ACSM3: variants seen among roughly 807,000 people sequenced by gnomAD.
ACSM3 encodes acyl-CoA synthetase medium chain family member 3, also known as acyl-coenzyme A synthetase ACSM3, mitochondrial.
A neutral mutation model predicts 74.1 loss-of-function variants in ACSM3; 61 were observed. The observed-to-expected ratio is 0.82, with a 90% CI of 0.67 to 1.02. The LOEUF is 1.02. Ranked by LOEUF, ACSM3 falls within the 50% of genes least tolerant of loss-of-function variation. The pLI is 0.00. For synonymous variants in ACSM3, 213 were observed against 241.5 expected (o/e 0.88, Z 1.09); for missense variants, 660 against 697.0 (o/e 0.95, Z 0.60).
chr16:20,744,245 G>T (rs376281699), intron 1 of ACSM3, among the ~76,000 whole-genome samples: 94 of 152,288 alleles, frequency 6.2e-4, no homozygotes, highest in African/African-American at 2.0e-3. Context: ...TGGCCTACAG[G>T]TTTCTCCATA....
chr16:20,786,107 G>A lies in ACSM3; in HGVS notation c.1173G>A (p.Met391Ile), dbSNP rs267604444. The A allele has an allele frequency of 6.2e-7, 1 of 1,600,698 alleles. No homozygotes were observed. Among genetic ancestry groups the A allele is most frequent in the South Asian group, 1.1e-5 (1 of 88,548 alleles). The change falls in exon 9 of 14, where the codon ATG (methionine) becomes ATA (isoleucine). Residue 391 changes from methionine (M) to isoleucine (I), a missense_variant. Transcript: ENST00000289416. ...TAATCTGTGGAAATTTTAAGGGAAT[G>A]AAAATTAAACCTGGCTCAATGGGAA... ...TVLICGNFKG[M>I]KIKPGSMGKP... is the part of the protein sequence containing the mutation.
At chr16:20,781,518 A>C (rs76529066) in intron 6 of ACSM3, among the ~76,000 whole-genome samples, 190 bp from the exon 7 acceptor site, 11,077 of 152,308 alleles carry the variant, frequency 0.073, 541 homozygotes, top group Non-Finnish European at 0.11. Flanking sequence ...ATACCATACA[A>C]TTTTATATAA....
Position 20,797,508 on chromosome 16 carries a change from T to G in ACSM3, c.*536T>G. The G allele has an allele frequency of 8.7e-7, 1 of 1,152,444 alleles. No homozygotes were observed. Among genetic ancestry groups the G allele is most frequent in the Non-Finnish European group, 1.1e-6 (1 of 937,182 alleles). 71.4% of individuals were successfully genotyped at this position (1,152,444 alleles called of 1,614,324 possible). On this transcript the variant is annotated 3_prime_UTR_variant, in exon 14 of 14. Transcript: ENST00000289416. The stretch of plus-strand genomic sequence containing the variant: ...AAAATAGTTTAGACTTGTTTCAAGG[T>G]CTAACTATAAAAGAAGGATCATATA...
At chr16:20,793,223 C>T (rs1039192529) in intron 12 of ACSM3, among the ~76,000 whole-genome samples, 1 of 152,166 alleles carries the variant, frequency 6.6e-6, no homozygotes, top group Non-Finnish European at 1.5e-5. Flanking sequence ...AATCCTAGCA[C>T]TTTGGGAGGC....
At chr16:20,712,432 T>G (rs1006729648) in intron 1 of ACSM3, among the ~76,000 whole-genome samples, 2 of 152,160 alleles carry the variant, frequency 1.3e-5, no homozygotes, top group African/African-American at 2.4e-5. Context: ...GCAAAAGAAA[T>G]CACAACTACA....
chr16:20,733,826 T>C (rs957759653), intron 1 of ACSM3: 6 of 152,274 alleles, frequency 3.9e-5, no homozygotes, highest in African/African-American at 1.4e-4. Flanking sequence ...AAGTTTAACA[T>C]TCTTTCCTCT....
intron 1 of ACSM3, among the ~76,000 whole-genome samples, chr16:20,696,601 C>G (rs2079691362): frequency 6.6e-6 from 1 of 152,114 alleles, no homozygotes; most frequent in African/African-American, 2.4e-5. Context: ...GAGTTCCTAC[C>G]CTGTTAGAGC....
chr16:20,773,758 A>G (rs1021250815), intron 2 of ACSM3, among the ~76,000 whole-genome samples: 1 of 152,158 alleles, frequency 6.6e-6, no homozygotes, highest in African/African-American at 2.4e-5. Flanking sequence ...ATTTGTTGAA[A>G]TTTGTTTTGT....
At chr16:20,771,074 A>G (rs2080187070) in intron 2 of ACSM3, among the ~76,000 whole-genome samples, 1 of 152,082 alleles carries the variant, frequency 6.6e-6, no homozygotes, top group Non-Finnish European at 1.5e-5. Flanking sequence ...AATAGCCACA[A>G]TTCCACTCCC....
At chr16:20,693,507 A>ATTTAAGT (rs1375675474) in intron 1 of ACSM3, among the ~76,000 whole-genome samples, 2 of 152,222 alleles carry the variant, frequency 1.3e-5, no homozygotes, top group Admixed American at 1.3e-4. Flanking sequence ...CATCATGAAC[A>ATTTAAGT]TTTAAGTTCC....
At chr16:20,729,388 G>A in intron 1 of ACSM3, 1 of 1,192,822 alleles carries the variant, frequency 8.4e-7, no homozygotes, top group Non-Finnish European at 1.2e-6. Context: ...TAAGAGGCAA[G>A]GATTGACAGG....
intron 12 of ACSM3, among the ~76,000 whole-genome samples, chr16:20,792,923 G>A (rs1385157505): frequency 6.6e-6 from 1 of 152,156 alleles, no homozygotes; most frequent in Non-Finnish European, 1.5e-5. Context: ...CCTGCGTTTT[G>A]CCTGTGTGTC....
intron 1 of ACSM3, among the ~76,000 whole-genome samples, chr16:20,720,643 A>G (rs1045401983): frequency 1.3e-5 from 2 of 149,828 alleles, no homozygotes; most frequent in Non-Finnish European, 1.5e-5. Flanking sequence ...GTAGGCTAAC[A>G]TAAGAACGGA....
At chr16:20,759,657 A>G (rs2080060847), upstream of ACSM3, among the ~76,000 whole-genome samples, 1 of 151,904 alleles carries the variant, frequency 6.6e-6, no homozygotes, top group South Asian at 2.1e-4. Flanking sequence ...AGGACATGGA[A>G]GCTCTGTACC....
In ACSM3 at chr16:20,688,825, TAA is replaced by T. The variant is rs562389355; in HGVS notation, c.-190+14005_-190+14006del. 3.4e-3 allele frequency among the ~76,000 whole-genome samples: 517 copies of T among 152,042 alleles called. 2 individuals carry two copies. The highest frequency in any genetic ancestry group is 0.012 in the African/African-American group (510 of 41,542). Reference sequence around the variant, plus strand: ...GGAGAGGAACTCAAATATGAAAATGTAAAGTTCTCTTGTAAATATAAATTCAT... The same window carrying T: ...GGAGAGGAACTCAAATATGAAAATGTAGTTCTCTTGTAAATATAAATTCAT... On this transcript the variant is annotated intron_variant, in intron 1 of 3. Transcript: ENST00000561584.
chr16:20,781,638 TCAAC>T, intron 6 of ACSM3, 66 bp from the exon 7 acceptor site: 1 of 1,164,110 alleles, frequency 8.6e-7, no homozygotes, highest in South Asian at 1.2e-5. Flanking sequence ...TTGTGCTGCG[TCAAC>T]CAAAGACATT....
intron 1 of ACSM3, among the ~76,000 whole-genome samples, chr16:20,695,781 C>G (rs2079686864): frequency 6.6e-6 from 1 of 152,166 alleles, no homozygotes; most frequent in Non-Finnish European, 1.5e-5. Flanking sequence ...GCGTCTATCT[C>G]TATCTCTGTA....
At chr16:20,728,272 A>G (rs561550078) in intron 1 of ACSM3, 2 of 482,716 alleles carry the variant, frequency 4.1e-6, no homozygotes, top group East Asian at 4.1e-5. Flanking sequence ...GACCGGTTCA[A>G]TAAAGCAGAA....
chr16:20,782,279 G>A (rs921727223), intron 7 of ACSM3, among the ~76,000 whole-genome samples: 3 of 152,110 alleles, frequency 2.0e-5, no homozygotes, highest in African/African-American at 7.2e-5. Context: ...TTGGGAAACA[G>A]GTGGTGTTTG....
Sources: allele counts gnomAD v4.1 joint callset (sites outside exome capture counted in the v4.1 genomes callset), GRCh38; gene constraint gnomAD v4.1.1; transcripts MANE v1.5; gene names NCBI Gene and HGNC (gene_info 2026-07-23, HGNC 2026-07-21).